Variants in MTHFD1L observed in about 807,000 individuals in gnomAD.
MTHFD1L encodes methylenetetrahydrofolate dehydrogenase (NADP+ dependent) 1 like.
Under a neutral mutation model 119.5 loss-of-function variants are expected in MTHFD1L, and 81 were observed. The ratio of observed to expected loss-of-function variants is 0.68; its 90% CI spans 0.57 to 0.82. MTHFD1L has a LOEUF of 0.82. MTHFD1L is among the 40% of genes least tolerant of loss of function. MTHFD1L has a pLI of 0.00. For synonymous variants in MTHFD1L, 430 were observed against 475.2 expected, an observed-to-expected ratio of 0.90 and a Z score of 1.24; for missense variants, 1,125 against 1,253.4, an observed-to-expected ratio of 0.90 and a Z score of 1.55.
intron 26 of MTHFD1L, among the ~76,000 whole-genome samples, chr6:151,089,955 T>C (rs1467412178): frequency 6.6e-6 from 1 of 152,230 alleles, no homozygotes; most frequent in African/African-American, 2.4e-5. Context: ...AGTTGCAGTT[T>C]ATTGCCTGGA....
chr6:151,017,652 C>G (rs1263596672), intron 24 of MTHFD1L, among the ~76,000 whole-genome samples: 2 of 151,950 alleles, frequency 1.3e-5, no homozygotes, highest in Non-Finnish European at 2.9e-5. Flanking sequence ...GCCAGAATTT[C>G]CTTTATTTTT....
intron 24 of MTHFD1L, among the ~76,000 whole-genome samples, chr6:151,027,686 C>T (rs1317724051): frequency 6.7e-6 from 1 of 149,188 alleles, no homozygotes; most frequent in Non-Finnish European, 1.5e-5. Context: ...AGCAGATTAA[C>T]CATAGGAAGT....
intron 20 of MTHFD1L, among the ~76,000 whole-genome samples, chr6:151,009,550 A>G (rs526586): frequency 0.52 from 78,809 of 151,736 alleles, 22,900 homozygotes; most frequent in African/African-American, 0.79. Context: ...AAAAAGCTTC[A>G]CTGTGAGTTA....
At chr6:150,866,525 C>A in intron 1 of MTHFD1L, 1 of 1,274,688 alleles carries the variant, frequency 7.8e-7, no homozygotes, top group Non-Finnish European at 9.9e-7. Flanking sequence ...GGGCTCGGGC[C>A]CAGCGCCGCC....
At chr6:150,985,922 T>C (rs1778246230) in intron 20 of MTHFD1L, among the ~76,000 whole-genome samples, 1 of 152,144 alleles carries the variant, frequency 6.6e-6, no homozygotes, top group African/African-American at 2.4e-5. Flanking sequence ...GAATCTTCGG[T>C]GGCATTAAAC....
At chr6:150,943,350 G>A (rs1235158093) in intron 13 of MTHFD1L, among the ~76,000 whole-genome samples, 1 of 152,094 alleles carries the variant, frequency 6.6e-6, no homozygotes, top group African/African-American at 2.4e-5. Context: ...GATCCCAAGG[G>A]CTGGGCGTGG....
intron 10 of MTHFD1L, among the ~76,000 whole-genome samples, chr6:150,924,069 A>T (rs972158122): frequency 2.0e-5 from 3 of 152,166 alleles, no homozygotes; most frequent in Non-Finnish European, 4.4e-5. Flanking sequence ...TAAATAATTA[A>T]ATCCTTTTCT....
intron 26 of MTHFD1L, among the ~76,000 whole-genome samples, chr6:151,065,135 G>A (rs1452537821): frequency 6.6e-6 from 1 of 152,188 alleles, no homozygotes; most frequent in Non-Finnish European, 1.5e-5. Context: ...GCACATCTCT[G>A]TAGTTTTATG....
chr6:151,024,296 T>C (rs540272504), intron 24 of MTHFD1L, among the ~76,000 whole-genome samples: 1 of 152,250 alleles, frequency 6.6e-6, no homozygotes, highest in East Asian at 1.9e-4. Context: ...TCCTAGCACT[T>C]AGGGAGGCCA....
At chr6:151,084,791 C>G (rs933883257) in intron 26 of MTHFD1L, among the ~76,000 whole-genome samples, 1 of 151,236 alleles carries the variant, frequency 6.6e-6, no homozygotes, top group African/African-American at 2.4e-5. Flanking sequence ...CACGGTGAAA[C>G]CCCGTCTCTA....
Position 150,995,156 on chromosome 6 carries a change from G to A in MTHFD1L, c.2126-14663G>A, listed in dbSNP as rs537777492. 2.4e-3 allele frequency among the ~76,000 whole-genome samples: 363 copies of A among 152,130 alleles called. 3 individuals are homozygous for A. Among genetic ancestry groups the A allele is most frequent in the African/African-American group, 8.4e-3 (350 of 41,508 alleles). ...CAAATTACTTCTGGACTTAGGGATG[G>A]GGGAGGGGTGGGGAGATGGGAACAT... On this transcript the variant is annotated intron_variant, in intron 20 of 27. Transcript: ENST00000367321.
chr6:151,015,065 T>G lies in MTHFD1L; in HGVS notation c.2408+85T>G, dbSNP rs1782833278. 5 of 1,085,858 alleles carry G rather than the reference T, an allele frequency of 4.6e-6. No individual in the cohort carries two copies. The Admixed American group carries it at 7.0e-5, about 15-fold the overall frequency. The allele number at this position is 1,085,858 out of a possible 1,614,324, so 67.3% of individuals were successfully genotyped here. On this transcript the variant is annotated intron_variant, in intron 23 of 27. Coordinates refer to ENST00000367321, the MANE Select transcript of MTHFD1L (RefSeq NM_015440.5). ...ATTTGTGTCTTGGGGTATTTGGTCT[T>G]TCTGTGCTTCATCTAAAAGTATACA...
chr6:150,902,390 T>C (rs1785218224), intron 7 of MTHFD1L, among the ~76,000 whole-genome samples: 1 of 152,162 alleles, frequency 6.6e-6, no homozygotes, highest in African/African-American at 2.4e-5. Flanking sequence ...GCTGCTCCAC[T>C]CAAGTCTCAG....
intron 8 of MTHFD1L, among the ~76,000 whole-genome samples, chr6:150,916,619 A>ATGCCC (rs1787980746): frequency 6.7e-6 from 1 of 149,084 alleles, no homozygotes; most frequent in Non-Finnish European, 1.5e-5. Context: ...GTGAGCCACT[A>ATGCCC]TGCCCTGCCA....
chr6:151,061,082 T>C (rs1402724409), intron 26 of MTHFD1L, among the ~76,000 whole-genome samples: 5 of 152,178 alleles, frequency 3.3e-5, no homozygotes, highest in South Asian at 2.1e-4. Context: ...ACTTGTTCGC[T>C]TAATGACTGG....
chr6:150,956,114 T>A (rs1166357603), intron 17 of MTHFD1L, 43 bp downstream of exon 17: 1 of 1,565,010 alleles, frequency 6.4e-7, no homozygotes, highest in Non-Finnish European at 8.8e-7. Flanking sequence ...GTTCTTACGT[T>A]CATTTCTACT....
intron 4 of MTHFD1L, among the ~76,000 whole-genome samples, chr6:150,881,880 T>C (rs769968761): frequency 6.6e-6 from 1 of 152,220 alleles, no homozygotes; most frequent in African/African-American, 2.4e-5. Flanking sequence ...GTACCTCAAA[T>C]GGTTTCCCCT....
intron 26 of MTHFD1L, among the ~76,000 whole-genome samples, chr6:151,047,515 C>T (rs1788281562): frequency 6.6e-6 from 1 of 152,130 alleles, no homozygotes; most frequent in South Asian, 2.1e-4. Flanking sequence ...ATGACTAACC[C>T]CTAAGAATTT....
At chr6:151,015,741 G>A (rs371691347) in intron 24 of MTHFD1L, 48 bp downstream of exon 24, 4 of 1,585,984 alleles carry the variant, frequency 2.5e-6, no homozygotes, top group Non-Finnish European at 3.4e-6. Flanking sequence ...ACCTTAGCAT[G>A]GGTTGTCCCA....
Sources: allele counts gnomAD v4.1 joint callset (sites outside exome capture counted in the v4.1 genomes callset), GRCh38; gene constraint gnomAD v4.1.1; transcripts MANE v1.5; gene names NCBI Gene and HGNC (gene_info 2026-07-23, HGNC 2026-07-21).